The following AKAP6 variants were observed in gnomAD, a reference collection of about 807,000 sequenced individuals.
AKAP6 encodes the protein A-kinase anchor protein 6.
AKAP6 carries 58 observed loss-of-function variants against 188.5 expected under a neutral mutation model. The ratio of observed to expected loss-of-function variants is 0.31; its 90% confidence interval spans 0.25 to 0.38. The LOEUF is 0.38. Ranked by LOEUF, AKAP6 falls within the 10% of genes least tolerant of loss-of-function variation. The probability of loss-of-function intolerance (pLI) is 1.00; values close to 1 mark genes in which losing one functional copy is unlikely to be tolerated. For missense variants in AKAP6, 2,710 were observed against 2,740.0 expected (o/e 0.99, Z 0.24); for synonymous variants, 989 against 998.6 (o/e 0.99, Z 0.18).
intron 12 of AKAP6, among the ~76,000 whole-genome samples, chr14:32,794,773 A>C (rs1038576727): frequency 1.3e-5 from 2 of 152,204 alleles, no homozygotes; most frequent in Admixed American, 1.3e-4. Context: ...AGCTAGCAGA[A>C]GACAAGAAAT....
intron 9 of AKAP6, among the ~76,000 whole-genome samples, chr14:32,729,288 G>A (rs1331672875): frequency 6.6e-6 from 1 of 152,086 alleles, no homozygotes; most frequent in African/African-American, 2.4e-5. Context: ...AAAAAAGGAG[G>A]GGGACTTCGG....
At position 32,836,938 on chromosome 14, in the gene AKAP6, T is replaced by G. The variant is rs1159406510; in HGVS notation, c.*7133T>G. On this transcript the variant is annotated 3_prime_UTR_variant, in exon 14 of 14. Transcript: ENST00000280979. ...AATGGAACAGAACTTGGCCTCAAAGTGATGTTGGAAAAATAGCCAGTCCTG... is the reference window on the plus strand; with the variant it reads ...AATGGAACAGAACTTGGCCTCAAAGGGATGTTGGAAAAATAGCCAGTCCTG... 6.6e-6 allele frequency: 1 copy of G among 152,168 alleles called. No homozygotes were observed. The highest frequency in any genetic ancestry group is 1.5e-5 in the Non-Finnish European group (1 of 68,036). The allele number at this position is 152,168 out of a possible 1,614,324, so 9.4% of individuals were successfully genotyped here.
intron 5 of AKAP6, among the ~76,000 whole-genome samples, 168 bp downstream of exon 5, chr14:32,577,410 A>G (rs1372168669): frequency 6.6e-6 from 1 of 152,222 alleles, no homozygotes; most frequent in African/African-American, 2.4e-5. Flanking sequence ...TTCAAGTAAT[A>G]CTATGAAACC....
At chr14:32,576,304 C>T (rs1158841) in intron 4 of AKAP6, among the ~76,000 whole-genome samples, 124,780 of 152,036 alleles carry the variant, frequency 0.82, 51,365 homozygotes, top group East Asian at 1. Context: ...TACCCAGACA[C>T]GGAAAGCAGG....
chr14:32,331,160 G>C (rs919356458), intron 1 of AKAP6, among the ~76,000 whole-genome samples: 7 of 151,998 alleles, frequency 4.6e-5, no homozygotes, highest in Admixed American at 3.9e-4. Context: ...CTGAAGAAGA[G>C]CAATGAAGAA....
chr14:32,586,562 G>T (rs1008581951), intron 5 of AKAP6, among the ~76,000 whole-genome samples: 2 of 152,184 alleles, frequency 1.3e-5, no homozygotes, highest in African/African-American at 2.4e-5. Context: ...GGAAGGCAGA[G>T]GTTGCAGAGG....
rs115682988 is a variant in AKAP6 at position 32,696,810 on chromosome 14, G to C, written c.3000+700G>C. ...GATTTTGCCTAAAAAAAAAAAAAAT[G>C]GTTGCAGGATTCACAGTGCCTGCAA... On this transcript the variant is annotated intron_variant, in intron 9 of 13. Transcript: ENST00000280979. Among the ~76,000 whole-genome samples, 862 of 151,710 alleles carry C rather than the reference G, an allele frequency of 5.7e-3. 14 individuals carry two copies. Among genetic ancestry groups the C allele is most frequent in the African/African-American group, 0.02 (838 of 41,418 alleles).
intron 7 of AKAP6, among the ~76,000 whole-genome samples, chr14:32,668,324 T>C (rs777820589): frequency 6.6e-6 from 1 of 152,144 alleles, no homozygotes; most frequent in Non-Finnish European, 1.5e-5. Flanking sequence ...TTGATATGTT[T>C]GTTTGATATA....
intron 2 of AKAP6, among the ~76,000 whole-genome samples, chr14:32,512,013 T>C (rs1881287294): frequency 6.6e-6 from 1 of 152,216 alleles, no homozygotes; most frequent in Non-Finnish European, 1.5e-5. Context: ...TCCCTCATTT[T>C]GTTTCTTTAA....
rs145555690 is a variant in AKAP6, at chr14:32,776,229, T to A, written c.3588+2336T>A. Among the ~76,000 whole-genome samples, 456 of 152,334 alleles carry A rather than the reference T, an allele frequency of 3.0e-3. 1 individual carries two copies. Among genetic ancestry groups the A allele is most frequent in the Non-Finnish European group, 4.5e-3 (303 of 68,024 alleles). ...CCCAACCAAATCTCCTCTTGAATTG[T>A]AGCTCCCATAATTCCTAGATGTTAT... On this transcript the variant is annotated intron_variant, in intron 12 of 13. Transcript: ENST00000280979.
intron 12 of AKAP6, among the ~76,000 whole-genome samples, chr14:32,786,319 T>A (rs1159717118): frequency 8.7e-6 from 1 of 114,942 alleles, no homozygotes; most frequent in African/African-American, 3.2e-5. Flanking sequence ...TTTTTTTTTT[T>A]TTTTTTGAGA....
At chr14:32,418,368 G>A (rs1161673668) in intron 1 of AKAP6, among the ~76,000 whole-genome samples, 1 of 152,172 alleles carries the variant, frequency 6.6e-6, no homozygotes, top group Non-Finnish European at 1.5e-5. Context: ...AAAGTGAAAG[G>A]CTCAGAAATC....
At chr14:32,466,844 T>TATATATATATATATATATATATA (rs1878481885) in intron 2 of AKAP6, among the ~76,000 whole-genome samples, 1 of 143,742 alleles carries the variant, frequency 7.0e-6, no homozygotes, top group African/African-American at 2.7e-5. Flanking sequence ...TATATATATA[T>TATATATATATATATATATATATA]ATTTTCTTTC....
intron 2 of AKAP6, among the ~76,000 whole-genome samples, chr14:32,494,892 G>C (rs1880229234): frequency 6.6e-6 from 1 of 152,146 alleles, no homozygotes; most frequent in African/African-American, 2.4e-5. Flanking sequence ...ATGTTGTGGG[G>C]TGTTGAGGAA....
chr14:32,643,707 T>C (rs543589461), intron 7 of AKAP6, among the ~76,000 whole-genome samples: 1 of 152,292 alleles, frequency 6.6e-6, no homozygotes, highest in East Asian at 1.9e-4. Context: ...ATATTTGAGC[T>C]ATTTAACAAG....
Position 32,535,420 on chromosome 14 carries a change from G to C in AKAP6, c.325-134G>C, listed in dbSNP as rs148561194. 10,431 of 1,053,060 alleles carry C rather than the reference G, an allele frequency of 9.9e-3. 84 individuals carry two copies. Among genetic ancestry groups the C allele is most frequent in the Non-Finnish European group, 0.011 (8,002 of 725,734 alleles). 65.2% of individuals were successfully genotyped at this position (1,053,060 alleles called of 1,614,324 possible). On this transcript the variant is annotated intron_variant, in intron 2 of 13. Transcript: ENST00000280979. ...AACTGGGTATCTGAACTAAAACAAA[G>C]GCCCCAGGTATCCAATGTGCTACTG... is the stretch of plus-strand genomic sequence containing the variant.
intron 1 of AKAP6, among the ~76,000 whole-genome samples, chr14:32,393,860 A>C (rs772052124): frequency 8.5e-5 from 13 of 152,108 alleles, no homozygotes; most frequent in Non-Finnish European, 1.9e-4. Flanking sequence ...CATGTATTTG[A>C]AGTTATTTGT....
chr14:32,430,309 C>T (rs147809367), intron 1 of AKAP6, among the ~76,000 whole-genome samples: 2 of 152,196 alleles, frequency 1.3e-5, no homozygotes, highest in African/African-American at 4.8e-5. Flanking sequence ...GAAACTGAGG[C>T]CAAGAAATGT....
At chr14:32,683,319 G>A (rs1436683804) in intron 8 of AKAP6, among the ~76,000 whole-genome samples, 1 of 152,052 alleles carries the variant, frequency 6.6e-6, no homozygotes, top group Non-Finnish European at 1.5e-5. Context: ...TAATGCTGAA[G>A]TTTGAGAAGC....
Sources: gnomAD v4.1 joint callset for allele counts (sites outside exome capture counted in the v4.1 genomes callset) on GRCh38, gnomAD v4.1.1 for gene constraint, MANE v1.5 for transcripts, NCBI Gene and HGNC (gene_info 2026-07-23, HGNC 2026-07-21) for gene names.